TENM2: variants seen among roughly 807,000 people sequenced by gnomAD.
TENM2 encodes the protein teneurin transmembrane protein 2, also known as teneurin-2.
In TENM2, 52 loss-of-function variants were observed where a neutral mutation model predicts 245.2. The observed-to-expected ratio is 0.21, with a 90% confidence interval of 0.17 to 0.27. TENM2 has a LOEUF of 0.27. TENM2 is among the 10% of genes least tolerant of loss of function. The pLI is 1.00. For synonymous variants in TENM2, 1,363 were observed against 1,438.9 expected (o/e 0.95, Z 1.19); for missense variants, 3,046 against 3,666.8 (o/e 0.83, Z 4.37).
intron 2 of TENM2, among the ~76,000 whole-genome samples, chr5:167,814,161 G>A (rs768171872): frequency 1.3e-5 from 2 of 152,098 alleles, no homozygotes; most frequent in Non-Finnish European, 1.5e-5. Flanking sequence ...GCTAATACAC[G>A]TTTGATCTAT....
intron 2 of TENM2, among the ~76,000 whole-genome samples, chr5:167,473,370 A>G (rs1561985083): frequency 6.6e-6 from 1 of 152,190 alleles, no homozygotes; most frequent in Non-Finnish European, 1.5e-5. Context: ...AGTCCCAGGC[A>G]TGGTCTGGCA....
At chr5:167,235,238 G>A in the TENM2 span, among the ~76,000 whole-genome samples, 5 of 152,232 alleles carry the variant, frequency 3.3e-5, no homozygotes, top group East Asian at 1.9e-4. Flanking sequence ...TTGGATTAGA[G>A]TCCCTCCTAA....
At chr5:167,131,681 A>AT in the TENM2 span, among the ~76,000 whole-genome samples, 2 of 152,238 alleles carry the variant, frequency 1.3e-5, no homozygotes, top group Middle Eastern at 3.4e-3. Context: ...ATGTCACCCC[A>AT]TTTTTACTAA....
the TENM2 span, among the ~76,000 whole-genome samples, chr5:167,096,707 T>C: frequency 2.6e-5 from 4 of 152,202 alleles, no homozygotes; most frequent in African/African-American, 9.7e-5. Context: ...AGTTTTTATG[T>C]ATACAATCTT....
chr5:168,141,622 AATG>A (rs1280738983), intron 12 of TENM2, among the ~76,000 whole-genome samples: 5 of 152,224 alleles, frequency 3.3e-5, no homozygotes, highest in African/African-American at 1.2e-4. Context: ...CAGAATCAAG[AATG>A]ATGTTTCAGC....
At chr5:167,447,631 C>G (rs1206545420) in intron 2 of TENM2, among the ~76,000 whole-genome samples, 2 of 152,106 alleles carry the variant, frequency 1.3e-5, no homozygotes, top group Non-Finnish European at 2.9e-5. Flanking sequence ...TAACACCTGA[C>G]CCCATTCATA....
chr5:167,347,252 T>C (rs1036095507), intron 1 of TENM2, among the ~76,000 whole-genome samples: 1 of 152,296 alleles, frequency 6.6e-6, no homozygotes. Context: ...AAGTCTGTAA[T>C]AAAACCTGTG....
chr5:167,408,516 A>G (rs1403518175), intron 2 of TENM2, among the ~76,000 whole-genome samples: 1 of 152,034 alleles, frequency 6.6e-6, no homozygotes, highest in Admixed American at 6.6e-5. Context: ...GTTACTCTTT[A>G]TTATATCATT....
At position 168,085,699 on chromosome 5, in the gene TENM2, G is replaced by A. The variant is rs183878393; in HGVS notation, c.1516-4875G>A. ...ATCAGCTGGGCGCACTTTGCCACAGGCCTGGCTGGAGGCAGAAAGAAATGA... is the reference window on the plus strand; with the variant it reads ...ATCAGCTGGGCGCACTTTGCCACAGACCTGGCTGGAGGCAGAAAGAAATGA... On this transcript the variant is annotated intron_variant, in intron 7 of 28. Coordinates refer to ENST00000518659, the Ensembl canonical transcript of TENM2. Among the ~76,000 whole-genome samples, 577 of 152,342 alleles carry A rather than the reference G, an allele frequency of 3.8e-3. 1 individual carries two copies. Among genetic ancestry groups the A allele is most frequent in the African/African-American group, 0.013 (548 of 41,572 alleles).
At chr5:168,002,582 A>G (rs1022665382) in intron 5 of TENM2, among the ~76,000 whole-genome samples, 3 of 152,222 alleles carry the variant, frequency 2.0e-5, no homozygotes, top group African/African-American at 7.2e-5. Flanking sequence ...TGCCTTATGC[A>G]CCAAATTTTA....
the TENM2 span, among the ~76,000 whole-genome samples, chr5:167,129,909 A>G: frequency 6.6e-6 from 1 of 152,148 alleles, no homozygotes; most frequent in Admixed American, 6.5e-5. Context: ...GCATGTTTTA[A>G]TGTAGCTGGA....
intron 7 of TENM2, among the ~76,000 whole-genome samples, chr5:168,071,158 A>G (rs1790984418): frequency 6.6e-6 from 1 of 152,214 alleles, no homozygotes; most frequent in South Asian, 2.1e-4. Flanking sequence ...TCTGTGCCTC[A>G]GTTACCTCAT....
chr5:167,343,624 G>T (rs1758259571), intron 1 of TENM2, among the ~76,000 whole-genome samples: 1 of 152,166 alleles, frequency 6.6e-6, no homozygotes, highest in African/African-American at 2.4e-5. Flanking sequence ...TCTGCAGTCT[G>T]CCCAGGTGTT....
chr5:167,035,625 G>T, the TENM2 span, among the ~76,000 whole-genome samples: 1 of 152,226 alleles, frequency 6.6e-6, no homozygotes, highest in Non-Finnish European at 1.5e-5. Flanking sequence ...TGTTATTGAA[G>T]CTCAGGATAC....
At chr5:167,709,193 C>T (rs1758741137) in intron 2 of TENM2, among the ~76,000 whole-genome samples, 1 of 152,180 alleles carries the variant, frequency 6.6e-6, no homozygotes, top group Non-Finnish European at 1.5e-5. Context: ...GCATCAGTTT[C>T]CTGCTTTGTA....
chr5:167,391,647 A>AG (rs1761764694), intron 2 of TENM2, among the ~76,000 whole-genome samples: 1 of 126,838 alleles, frequency 7.9e-6, no homozygotes, highest in Non-Finnish European at 1.6e-5. Flanking sequence ...AAAAAAAAAA[A>AG]GCACTCTCAA....
chr5:167,918,008 C>T (rs997194106), intron 3 of TENM2, among the ~76,000 whole-genome samples: 7 of 152,068 alleles, frequency 4.6e-5, no homozygotes, highest in African/African-American at 1.7e-4. Flanking sequence ...TAAAAGACAA[C>T]AATAACAACA....
At position 167,458,109 on chromosome 5, in the gene TENM2, T is replaced by C. The variant is rs141057216; in HGVS notation, c.502+82636T>C. On this transcript the variant is annotated intron_variant, in intron 2 of 28. Coordinates refer to ENST00000518659, the Ensembl canonical transcript of TENM2. ...AATGGTTCTTTACATTCCCAAACTT[T>C]TAAATTATTTAAAAATAAACATTGT... 2.6e-4 allele frequency among the ~76,000 whole-genome samples: 39 copies of C among 152,280 alleles called. No individual in the cohort carries two copies. The East Asian group carries it at 5.8e-3, about 23-fold the overall frequency.
At chr5:167,375,859 TC>T (rs1158922434) in intron 2 of TENM2, among the ~76,000 whole-genome samples, 1 of 152,182 alleles carries the variant, frequency 6.6e-6, no homozygotes, top group East Asian at 1.9e-4. Context: ...TTATTTTTTT[TC>T]GTGACGATCT....
Sources: gnomAD v4.1 joint callset for allele counts (sites outside exome capture counted in the v4.1 genomes callset) on GRCh38, gnomAD v4.1.1 for gene constraint, MANE v1.5 for transcripts, NCBI Gene and HGNC (gene_info 2026-07-23, HGNC 2026-07-21) for gene names.